Variants in FBXW8 observed in about 807,000 individuals in gnomAD.
FBXW8 encodes F-box/WD repeat-containing protein 8.
In FBXW8, 57 loss-of-function variants were observed where a neutral mutation model predicts 65.3. That is an observed-to-expected ratio of 0.87 (90% CI 0.71 to 1.09). The LOEUF (loss-of-function observed/expected upper bound fraction) is 1.09. FBXW8 is among the 50% of genes least tolerant of loss of function. The probability of loss-of-function intolerance (pLI) is 0.00; values close to 1 mark genes in which losing one functional copy is unlikely to be tolerated. For missense variants in FBXW8, 777 were observed against 814.8 expected (o/e 0.95, Z 0.57); for synonymous variants, 308 against 330.2 (o/e 0.93, Z 0.73).
chr12:116,972,533 G>A (rs1333995098), intron 5 of FBXW8, among the ~76,000 whole-genome samples: 1 of 152,170 alleles, frequency 6.6e-6, no homozygotes, highest in African/African-American at 2.4e-5. Context: ...ACGGGCCCAA[G>A]TGGAGTAGAA....
At chr12:117,025,679 C>T (rs532470841) in intron 9 of FBXW8, among the ~76,000 whole-genome samples, 21 of 152,286 alleles carry the variant, frequency 1.4e-4, no homozygotes, top group South Asian at 2.1e-4. Context: ...CTGTTGAGGG[C>T]GCCTCGGCCC....
intron 7 of FBXW8, among the ~76,000 whole-genome samples, chr12:117,007,353 G>A (rs1183208532): frequency 6.6e-6 from 1 of 151,928 alleles, no homozygotes; most frequent in East Asian, 1.9e-4. Flanking sequence ...AGGTCTACCT[G>A]CAAGCCAAAG....
intron 9 of FBXW8, among the ~76,000 whole-genome samples, chr12:117,026,423 G>A (rs995872002): frequency 5.9e-5 from 9 of 151,728 alleles, no homozygotes; most frequent in Middle Eastern, 3.2e-3. Flanking sequence ...CTCCCTTCCC[G>A]GGTCTTTCTC....
chr12:116,956,637 T>G (rs148110303), intron 4 of FBXW8, among the ~76,000 whole-genome samples: 245 of 152,338 alleles, frequency 1.6e-3, no homozygotes, highest in African/African-American at 5.4e-3. Flanking sequence ...CAGTGGAATT[T>G]TATCATTGTT....
chr12:116,988,575 T>G, intron 6 of FBXW8, 88 bp from the exon 7 acceptor site: 1 of 1,157,284 alleles, frequency 8.6e-7, no homozygotes, highest in South Asian at 1.3e-5. Context: ...GGGTTGCTGG[T>G]CTTCTCATTG....
intron 2 of FBXW8, among the ~76,000 whole-genome samples, chr12:116,934,176 C>T (rs1387034730): frequency 6.6e-6 from 1 of 152,140 alleles, no homozygotes; most frequent in Non-Finnish European, 1.5e-5. Flanking sequence ...TCCATATCCC[C>T]TCCTCTTTTT....
At chr12:116,948,222 T>C (rs751947335) in intron 3 of FBXW8, among the ~76,000 whole-genome samples, 7 of 152,216 alleles carry the variant, frequency 4.6e-5, no homozygotes, top group Non-Finnish European at 1.0e-4. Context: ...TTTGCATAAA[T>C]GCAGGTTTTC....
rs550367945 is a variant in FBXW8, at chr12:116,982,408, TAAAG to T, written c.836-2795_836-2792del. ...GGATACCGAGGGACTTTGCCTGTGA[TAAAG>T]AATCAACTCATCAAGAGGACATACA... On this transcript the variant is annotated intron_variant, in intron 5 of 10. Coordinates refer to ENST00000652555, the MANE Select transcript of FBXW8 (RefSeq NM_153348.3). Among the ~76,000 whole-genome samples the T allele has an allele frequency of 3.9e-5, 6 of 152,298 alleles. No homozygotes were observed. The South Asian group carries it at 1.2e-3, about 32-fold the overall frequency.
At chr12:116,995,841 T>C (rs1277456179) in intron 7 of FBXW8, among the ~76,000 whole-genome samples, 2 of 152,232 alleles carry the variant, frequency 1.3e-5, no homozygotes, top group East Asian at 3.8e-4. Context: ...TGAACGCTGT[T>C]AATGTAGCCT....
intron 1 of FBXW8, among the ~76,000 whole-genome samples, chr12:116,911,881 A>AG (rs1470972717): frequency 6.6e-6 from 1 of 152,188 alleles, no homozygotes; most frequent in African/African-American, 2.4e-5. Flanking sequence ...AAATTATCTC[A>AG]GAAAAAAAGG....
At chr12:116,920,924 C>A (rs995467620) in intron 1 of FBXW8, among the ~76,000 whole-genome samples, 1 of 152,162 alleles carries the variant, frequency 6.6e-6, no homozygotes, top group Non-Finnish European at 1.5e-5. Context: ...GGACCTGAAG[C>A]TTCTCCTCTT....
chr12:116,932,175 G>C (rs1881820782), intron 2 of FBXW8, among the ~76,000 whole-genome samples: 1 of 151,954 alleles, frequency 6.6e-6, no homozygotes, highest in Non-Finnish European at 1.5e-5. Context: ...AAGTTAAATG[G>C]GTGTATGATT....
At chr12:116,960,650 G>A (rs1384316393) in intron 4 of FBXW8, among the ~76,000 whole-genome samples, 2 of 152,276 alleles carry the variant, frequency 1.3e-5, no homozygotes, top group South Asian at 2.1e-4. Flanking sequence ...CCATTGGAAA[G>A]TGGGCAGTGG....
chr12:116,954,111 CAAAAAAA>C (rs59747365), intron 4 of FBXW8, among the ~76,000 whole-genome samples: 2 of 100,648 alleles, frequency 2.0e-5, no homozygotes, highest in African/African-American at 7.3e-5. Context: ...GACTCTGTCT[CAAAAAAA>C]AAAAAAAAAA....
At chr12:116,927,988 A>C in intron 1 of FBXW8, 35 bp from the exon 2 acceptor site, 1 of 1,363,030 alleles carries the variant, frequency 7.3e-7, no homozygotes, top group Admixed American at 2.0e-5. Context: ...CATATCTAAA[A>C]ATTATAAACT....
At chr12:116,981,613 C>CT (rs58869433) in intron 5 of FBXW8, among the ~76,000 whole-genome samples, 23 of 146,596 alleles carry the variant, frequency 1.6e-4, no homozygotes, top group East Asian at 4.0e-4. Context: ...CTGTGAAGTT[C>CT]TTTTTTTTTT....
At chr12:116,924,327 A>G (rs1881157148) in intron 1 of FBXW8, among the ~76,000 whole-genome samples, 1 of 152,196 alleles carries the variant, frequency 6.6e-6, no homozygotes, top group African/African-American at 2.4e-5. Flanking sequence ...AATTGTACAT[A>G]TTTATGGGGC....
At position 117,028,370 on chromosome 12, in the gene FBXW8, G is replaced by A. The variant is rs527915331; in HGVS notation, c.*198G>A. On this transcript the variant is annotated 3_prime_UTR_variant, in exon 11 of 11. Transcript: ENST00000652555. The surrounding 1 kb of genome is among the most constrained non-coding windows in gnomAD (Gnocchi z 4.1). ...GGCAAGCTGGCGTGTGCCAGGGCTC[G>A]AGTCCCACGTGCTGCCAACTCAAAC... The A allele has an allele frequency of 4.6e-6, 3 of 654,750 alleles. No individual in the cohort carries two copies. The highest frequency in any genetic ancestry group is 1.8e-5 in the African/African-American group (1 of 54,614). 40.6% of individuals were successfully genotyped at this position (654,750 alleles called of 1,614,324 possible). A position where few individuals can be genotyped will look rare whatever the true frequency, so the allele number is the denominator to read the frequency against.
intron 3 of FBXW8, among the ~76,000 whole-genome samples, chr12:116,946,301 C>G (rs1440406739): frequency 6.6e-6 from 1 of 152,204 alleles, no homozygotes; most frequent in African/African-American, 2.4e-5. Context: ...TCTGTCCCTA[C>G]TCACCTCCTA....
Sources: gnomAD v4.1 joint callset for allele counts (sites outside exome capture counted in the v4.1 genomes callset) on GRCh38, gnomAD v4.1.1 for gene constraint, Gnocchi (gnomAD v3.1) non-coding constraint, MANE v1.5 for transcripts, NCBI Gene and HGNC (gene_info 2026-07-23, HGNC 2026-07-21) for gene names.